Variants in TRPC3 observed in about 807,000 individuals in gnomAD.
TRPC3 encodes the protein transient receptor potential cation channel subfamily C member 3, also known as short transient receptor potential channel 3.
TRPC3 carries 54 observed loss-of-function variants against 90.9 expected under a neutral mutation model. The observed-to-expected ratio is 0.59, with a 90% CI of 0.48 to 0.75. TRPC3 has a LOEUF of 0.75. Among genes scored for constraint, TRPC3 ranks in the 30% least tolerant of loss-of-function variants. The pLI is 0.00. For synonymous variants in TRPC3, 424 were observed against 450.9 expected, an observed-to-expected ratio of 0.94 and a Z score of 0.75; for missense variants, 918 against 1,194.5, an observed-to-expected ratio of 0.77 and a Z score of 3.41.
intron 10 of TRPC3, among the ~76,000 whole-genome samples, chr4:121,892,072 A>C (rs1163307488): frequency 6.6e-6 from 1 of 152,250 alleles, no homozygotes; most frequent in Non-Finnish European, 1.5e-5. Context: ...CTAATAATTT[A>C]ACAAGCAGGA....
chr4:121,923,044 G>A (rs1314172461), intron 3 of TRPC3, among the ~76,000 whole-genome samples: 1 of 152,122 alleles, frequency 6.6e-6, no homozygotes, highest in African/African-American at 2.4e-5. Context: ...AGAATTATGT[G>A]TGTCAGAAGA....
In TRPC3 at chr4:121,877,661, C is replaced by T. The variant is rs1430864141; in HGVS notation, c.*2075G>A. On this transcript the variant is annotated 3_prime_UTR_variant, in exon 12 of 12. Coordinates refer to ENST00000379645, the MANE Select transcript of TRPC3 (RefSeq NM_001130698.2). ...CTTGTCATCACACCTTCTTCTGAAA[C>T]AACACCTTGAAATGATGAATAAGGA... 6.7e-6 allele frequency among the ~76,000 whole-genome samples: 1 copy of T among 150,234 alleles called. No homozygotes were observed.
rs1328554263 is a variant in TRPC3 at position 121,876,766 on chromosome 4, A to G, written c.*2970T>C. Among the ~76,000 whole-genome samples the G allele has an allele frequency of 6.6e-6, 1 of 152,212 alleles. No homozygotes were observed. The highest frequency in any genetic ancestry group is 1.5e-5 in the Non-Finnish European group (1 of 68,032). ...AACTTTTCAACAGATTGTGACTTCCATAAAGTCATGGGTGCTCTGTAAATT... is the reference window on the plus strand; with the variant it reads ...AACTTTTCAACAGATTGTGACTTCCGTAAAGTCATGGGTGCTCTGTAAATT... On this transcript the variant is annotated 3_prime_UTR_variant, in exon 12 of 12. Transcript: ENST00000379645.
chr4:121,945,182 A>G (rs1473761609), intron 1 of TRPC3, among the ~76,000 whole-genome samples: 1 of 152,252 alleles, frequency 6.6e-6, no homozygotes, highest in Non-Finnish European at 1.5e-5. Flanking sequence ...AAGATCAGTT[A>G]CGAGTAAGAA....
chr4:121,925,194 T>C lies in TRPC3; in HGVS notation c.1000A>G (p.Lys334Glu). Residue 334 changes from lysine (K) to glutamate (E), a missense_variant, in exon 3 of 12, where the codon AAG becomes GAG. Transcript: ENST00000379645. ...IEKEFKNDYR[K>E]LSMQCKDFVV... Reference sequence around the variant, plus strand: ...AAGTCTTTGCATTGCATGGAGAGCTTCCGATAGTCATTCTAAGAACAAGAG... The same window carrying C: ...AAGTCTTTGCATTGCATGGAGAGCTCCCGATAGTCATTCTAAGAACAAGAG... 2 of 1,608,382 alleles carry C rather than the reference T, an allele frequency of 1.2e-6. No homozygotes were observed. The highest frequency in any genetic ancestry group is 1.7e-6 in the Non-Finnish European group (2 of 1,178,376).
At chr4:121,908,337 A>G (rs1728960333) in intron 6 of TRPC3, among the ~76,000 whole-genome samples, 1 of 152,226 alleles carries the variant, frequency 6.6e-6, no homozygotes, top group Non-Finnish European at 1.5e-5. Context: ...CAAAGAACTT[A>G]AAACAGAACT....
At chr4:121,918,067 G>A (rs1053782961) in intron 3 of TRPC3, among the ~76,000 whole-genome samples, 2 of 152,148 alleles carry the variant, frequency 1.3e-5, no homozygotes, top group African/African-American at 4.8e-5. Flanking sequence ...GAGGTGATTA[G>A]GCCATGAGGG....
At chr4:121,950,933 C>G (rs1730705351) in intron 1 of TRPC3, 1 of 152,366 alleles carries the variant, frequency 6.6e-6, no homozygotes, top group Non-Finnish European at 1.5e-5. Flanking sequence ...TCCCTACTCC[C>G]CACTTCTCTG....
chr4:121,932,383 T>C lies in TRPC3; in HGVS notation c.875A>G (p.Lys292Arg), dbSNP rs1729968797. ...SHSRSRINAY[K>R]GLASPAYLSL... ...GAGGTAAGCCGGGCTGGCCAGCCCCTTGTAGGCATTGATCCTCGAGCGTGA... is the reference window on the plus strand; with the variant it reads ...GAGGTAAGCCGGGCTGGCCAGCCCCCTGTAGGCATTGATCCTCGAGCGTGA... The change falls in exon 2 of 12, where the codon AAG (lysine) becomes AGG (arginine). Residue 292 changes from lysine to arginine, a missense_variant. By Grantham distance (26) the Lys-to-Arg change is conservative (BLOSUM62 2). Transcript: ENST00000379645. This position sits in a 1 kb window ranked among gnomAD's most constrained non-coding sequence, Gnocchi z 7.7. 1 of 1,614,170 alleles carries C rather than the reference T, an allele frequency of 6.2e-7. No individual in the cohort carries two copies. Among genetic ancestry groups the C allele is most frequent in the Admixed American group, 1.7e-5 (1 of 60,028 alleles).
At chr4:121,934,499 G>C (rs1397211924) in intron 1 of TRPC3, among the ~76,000 whole-genome samples, 1 of 152,122 alleles carries the variant, frequency 6.6e-6, no homozygotes, top group Non-Finnish European at 1.5e-5. Context: ...ACCAGATAAA[G>C]CTTCCACATT....
intron 1 of TRPC3, among the ~76,000 whole-genome samples, chr4:121,936,424 A>T (rs1159516452): frequency 1.3e-5 from 2 of 152,212 alleles, no homozygotes; most frequent in African/African-American, 4.8e-5. Context: ...GCGAGAGTGC[A>T]TTCTGCAGGG....
intron 1 of TRPC3, among the ~76,000 whole-genome samples, chr4:121,936,315 A>G (rs902725874): frequency 3.9e-5 from 6 of 152,304 alleles, no homozygotes; most frequent in Non-Finnish European, 5.9e-5. Flanking sequence ...AATGTGGGTG[A>G]ATGGGGGAGA....
intron 4 of TRPC3, among the ~76,000 whole-genome samples, 192 bp downstream of exon 4, chr4:121,914,588 C>A (rs532638589): frequency 5.3e-5 from 8 of 152,328 alleles, no homozygotes; most frequent in African/African-American, 1.9e-4. Flanking sequence ...GTGGTATATC[C>A]CACTGGTACC....
intron 6 of TRPC3, among the ~76,000 whole-genome samples, chr4:121,909,691 T>G (rs1729016642): frequency 6.6e-6 from 1 of 152,150 alleles, no homozygotes; most frequent in African/African-American, 2.4e-5. Context: ...ACGGTCACTT[T>G]AGAACCTACT....
At chr4:121,937,944 C>T (rs150071957) in intron 1 of TRPC3, among the ~76,000 whole-genome samples, 14 of 151,714 alleles carry the variant, frequency 9.2e-5, no homozygotes, top group African/African-American at 3.1e-4. Context: ...ACTCTGTCAC[C>T]CAGGCTGGAG....
chr4:121,891,116 A>C (rs187630096), intron 10 of TRPC3, among the ~76,000 whole-genome samples: 6 of 152,292 alleles, frequency 3.9e-5, no homozygotes, highest in African/African-American at 1.4e-4. Flanking sequence ...TTCAAACTAA[A>C]ACCTCCGGTC....
At chr4:121,896,617 CA>C (rs1157099536) in intron 10 of TRPC3, among the ~76,000 whole-genome samples, 2 of 152,000 alleles carry the variant, frequency 1.3e-5, no homozygotes, top group East Asian at 3.8e-4. Context: ...AGGAAAACTA[CA>C]AAACACTGAT....
chr4:121,895,898 T>C (rs1283276477), intron 10 of TRPC3, among the ~76,000 whole-genome samples: 2 of 152,032 alleles, frequency 1.3e-5, no homozygotes, highest in South Asian at 4.1e-4. Flanking sequence ...TACAGGCCAA[T>C]ATCCCTGATG....
In TRPC3 at chr4:121,899,669, T is replaced by C. The variant is rs1201801130; in HGVS notation, c.2490A>G (p.Ser830=). The part of the protein sequence containing the change: ...SRLNLFTQSN[S]RVFESHSFNS... Reference sequence around the variant, plus strand: ...TAAAACTGTGTGATTCAAAAACTCTTGAGTTAGACTGAGTGAAGAGGTTTA... The same window carrying C: ...TAAAACTGTGTGATTCAAAAACTCTCGAGTTAGACTGAGTGAAGAGGTTTA... The change falls in exon 10 of 12, where the codon TCA becomes TCG. Residue 830 remains serine (S), a synonymous_variant. Coordinates refer to ENST00000379645, the MANE Select transcript of TRPC3 (RefSeq NM_001130698.2). The C allele has an allele frequency of 5.6e-6, 9 of 1,613,460 alleles. No homozygotes were observed. Among genetic ancestry groups the C allele is most frequent in the Non-Finnish European group, 6.8e-6 (8 of 1,179,622 alleles).
Sources: gnomAD v4.1 joint callset for allele counts (sites outside exome capture counted in the v4.1 genomes callset) on GRCh38, gnomAD v4.1.1 for gene constraint, Gnocchi (gnomAD v3.1) non-coding constraint, MANE v1.5 for transcripts, NCBI Gene and HGNC (gene_info 2026-07-23, HGNC 2026-07-21) for gene names.